IL1RAPL1: variants seen among roughly 807,000 people sequenced by gnomAD.
IL1RAPL1 encodes the protein interleukin-1 receptor accessory protein-like 1.
A neutral mutation model predicts 48.4 loss-of-function variants in IL1RAPL1; 3 were observed. The observed-to-expected ratio is 0.06, with a 90% CI of 0.03 to 0.16. IL1RAPL1 has a LOEUF of 0.16. IL1RAPL1 is among the 10% of genes least tolerant of loss of function. IL1RAPL1 has a pLI of 1.00. For missense variants in IL1RAPL1, 349 were observed against 530.6 expected (o/e 0.66, Z 3.36); for synonymous variants, 185 against 187.7 (o/e 0.99, Z 0.12).
intron 5 of IL1RAPL1, among the ~76,000 whole-genome samples, chrX:29,527,371 C>CTTTTTTTTT (rs1935564962): frequency 1.7e-5 from 1 of 57,254 alleles, no homozygotes; most frequent in African/African-American, 7.4e-5. Context: ...CGGAGTCTTG[C>CTTTTTTTTT]TTTCTCACCA....
intron 5 of IL1RAPL1, among the ~76,000 whole-genome samples, chrX:29,437,248 T>TTAA (rs1175910664): frequency 9.0e-6 from 1 of 110,741 alleles, no homozygotes; most frequent in Non-Finnish European, 1.9e-5. Context: ...TACATAGCTG[T>TTAA]TAATAATTAT....
At chrX:28,595,558 T>TA (rs1198903245) in intron 1 of IL1RAPL1, among the ~76,000 whole-genome samples, 1 of 111,794 alleles carries the variant, frequency 8.9e-6, no homozygotes, top group Admixed American at 9.6e-5. Flanking sequence ...AGTTACTGGG[T>TA]AGGGAGCTGG....
chrX:28,640,265 A>G (rs776837882), intron 1 of IL1RAPL1, among the ~76,000 whole-genome samples: 1 of 111,928 alleles, frequency 8.9e-6, no homozygotes, highest in Non-Finnish European at 1.9e-5. Context: ...ATGATGACCA[A>G]CATTTATTAA....
intron 1 of IL1RAPL1, among the ~76,000 whole-genome samples, chrX:28,687,821 G>A (rs1277758805): frequency 9.1e-6 from 1 of 109,444 alleles, no homozygotes; most frequent in African/African-American, 3.3e-5. Context: ...ATGGGGGCAG[G>A]GGGTGCGCGG....
chrX:29,482,545 A>G (rs1409761553), intron 5 of IL1RAPL1, among the ~76,000 whole-genome samples: 2 of 112,601 alleles, frequency 1.8e-5, no homozygotes, highest in Non-Finnish European at 3.8e-5. Context: ...AAAGAATAGG[A>G]TAAACAGTAT....
At chrX:29,579,712 C>T (rs1922898005) in intron 5 of IL1RAPL1, among the ~76,000 whole-genome samples, 1 of 111,412 alleles carries the variant, frequency 9.0e-6, no homozygotes, top group South Asian at 3.8e-4. Flanking sequence ...GTACTTTATG[C>T]TTTAAATGAA....
At chrX:28,787,979 G>A (rs1936491204) in intron 1 of IL1RAPL1, among the ~76,000 whole-genome samples, 1 of 111,752 alleles carries the variant, frequency 8.9e-6, no homozygotes, top group African/African-American at 3.3e-5. Context: ...AATGGTGGTG[G>A]CCAAGGGCTG....
intron 2 of IL1RAPL1, among the ~76,000 whole-genome samples, chrX:28,792,972 T>C (rs1202501306): frequency 9.7e-6 from 1 of 103,372 alleles, no homozygotes; most frequent in Non-Finnish European, 2.0e-5. Context: ...CTAAGGACTA[T>C]ATCTGGTCTC....
chrX:29,900,990 A>G (rs1228733388), intron 6 of IL1RAPL1, among the ~76,000 whole-genome samples: 3 of 112,128 alleles, frequency 2.7e-5, no homozygotes, highest in Non-Finnish European at 3.8e-5. Flanking sequence ...CAGTCAGGTG[A>G]TTCCATTCAA....
intron 2 of IL1RAPL1, among the ~76,000 whole-genome samples, chrX:28,954,071 G>T (rs913387738): frequency 1.8e-5 from 2 of 111,370 alleles, no homozygotes; most frequent in Non-Finnish European, 3.8e-5. Flanking sequence ...CATTGTCCTT[G>T]ATATTTAATA....
At chrX:29,803,500 CATATGTGTAT>C (rs1364552754) in intron 6 of IL1RAPL1, among the ~76,000 whole-genome samples, 1 of 86,941 alleles carries the variant, frequency 1.2e-5, no homozygotes, top group Non-Finnish European at 2.1e-5. Context: ...TCTATGTATA[CATATGTGTAT>C]ATATGTATAT....
At chrX:28,703,524 G>T (rs1470672866) in intron 1 of IL1RAPL1, among the ~76,000 whole-genome samples, 1 of 111,167 alleles carries the variant, frequency 9.0e-6, no homozygotes, top group African/African-American at 3.3e-5. Flanking sequence ...ACAGGCTTTT[G>T]TAGGGGATGT....
At chrX:28,689,279 G>A (rs1309881678) in intron 1 of IL1RAPL1, among the ~76,000 whole-genome samples, 1 of 110,707 alleles carries the variant, frequency 9.0e-6, no homozygotes, top group Non-Finnish European at 1.9e-5. Flanking sequence ...GAATCATGGG[G>A]GTGGTTTCCC....
At chrX:28,908,951 C>G (rs932208600) in intron 2 of IL1RAPL1, among the ~76,000 whole-genome samples, 2 of 111,696 alleles carry the variant, frequency 1.8e-5, no homozygotes, top group Non-Finnish European at 3.8e-5. Context: ...CTTCCTTATC[C>G]TTGATACTTT....
chrX:28,898,520 G>A (rs755985134), intron 2 of IL1RAPL1, among the ~76,000 whole-genome samples: 1 of 110,707 alleles, frequency 9.0e-6, no homozygotes, highest in East Asian at 2.8e-4. Flanking sequence ...TTGCTATGTT[G>A]CCCAGGCTGA....
chrX:29,776,939 G>A (rs1213367052), intron 6 of IL1RAPL1, among the ~76,000 whole-genome samples: 1 of 111,584 alleles, frequency 9.0e-6, no homozygotes, highest in African/African-American at 3.3e-5. Context: ...ATGACTCACC[G>A]GGATCAGGTA....
intron 2 of IL1RAPL1, among the ~76,000 whole-genome samples, chrX:29,233,694 C>T (rs1279896762): frequency 9.0e-6 from 1 of 111,351 alleles, no homozygotes; most frequent in Non-Finnish European, 1.9e-5. Flanking sequence ...ACACCCCCGA[C>T]TAGGTTACGT....
chrX:29,189,614 T>C (rs1930315078), intron 2 of IL1RAPL1, among the ~76,000 whole-genome samples: 1 of 111,642 alleles, frequency 9.0e-6, no homozygotes, highest in South Asian at 3.7e-4. Context: ...TTACTGCTGG[T>C]AAATATGAAA....
intron 1 of IL1RAPL1, among the ~76,000 whole-genome samples, chrX:28,642,016 T>G (rs879030284): frequency 9.0e-6 from 1 of 111,299 alleles, no homozygotes; most frequent in Admixed American, 9.6e-5. Flanking sequence ...GCAAACCTAG[T>G]CTCTGATAAA....
Sources: gnomAD v4.1 joint callset for allele counts (sites outside exome capture counted in the v4.1 genomes callset) on GRCh38, gnomAD v4.1.1 for gene constraint, MANE v1.5 for transcripts, NCBI Gene and HGNC (gene_info 2026-07-23, HGNC 2026-07-21) for gene names.